DENND3: variants seen among roughly 807,000 people sequenced by gnomAD.
DENND3 encodes DENN domain containing 3.
A neutral mutation model predicts 135.1 loss-of-function variants in DENND3; 88 were observed. The observed-to-expected ratio is 0.65, with a 90% CI of 0.55 to 0.78. The LOEUF is 0.78. Among genes scored for constraint, DENND3 ranks in the 30% least tolerant of loss-of-function variants. The probability of loss-of-function intolerance (pLI) is 0.00; values close to 1 mark genes in which losing one functional copy is unlikely to be tolerated. For synonymous variants in DENND3, 693 were observed against 712.3 expected (o/e 0.97, Z 0.43); for missense variants, 1,392 against 1,688.4 (o/e 0.82, Z 3.08).
At chr8:141,191,945 G>A (rs562017145) in intron 20 of DENND3, 17 of 163,764 alleles carry the variant, frequency 1.0e-4, no homozygotes, top group Admixed American at 3.1e-4. Context: ...AACCTTAACC[G>A]ATCACCCTCC....
rs115765449 is a variant in DENND3 at position 141,175,830 on chromosome 8, C to T, written c.2535+371C>T. On this transcript the variant is annotated intron_variant, in intron 14 of 22. Transcript: ENST00000519811. The surrounding 1 kb of genome is among the most constrained non-coding windows in gnomAD (Gnocchi z 5.4). Reference sequence around the variant, plus strand: ...CTGAGAAACTGCCATGTGCCAGCCACGGTGAGCTACAGTAGCTCACATTTT... The same window carrying T: ...CTGAGAAACTGCCATGTGCCAGCCATGGTGAGCTACAGTAGCTCACATTTT... 1.3e-3 allele frequency: 391 copies of T among 309,438 alleles called. 2 individuals carry two copies. The highest frequency in any genetic ancestry group is 7.5e-3 in the African/African-American group (347 of 46,504). The allele number at this position is 309,438 out of a possible 1,614,324, so 19.2% of individuals were successfully genotyped here.
rs1415248941 is a variant in DENND3, at chr8:141,144,291, C to T, written c.735+32C>T. On this transcript the variant is annotated intron_variant, in intron 5 of 22. Transcript: ENST00000519811. The surrounding 1 kb of genome is among the most constrained non-coding windows in gnomAD (Gnocchi z 4.4). ...TATATCTGAAATTATATTGTTTTTT[C>T]TTTGCAAATAGTAAAAGTAAGATGT... 12 of 1,551,400 alleles carry T rather than the reference C, an allele frequency of 7.7e-6. No individual in the cohort carries two copies. Among genetic ancestry groups the T allele is most frequent in the Non-Finnish European group, 1.1e-5 (12 of 1,138,460 alleles).
At chr8:141,133,168 G>T (rs995395837) in intron 1 of DENND3, among the ~76,000 whole-genome samples, 8 of 152,180 alleles carry the variant, frequency 5.3e-5, no homozygotes, top group African/African-American at 1.9e-4. Context: ...GTGGAGCAGC[G>T]AGGGGCTGGG....
Position 141,141,317 on chromosome 8 carries a change from C to T in DENND3, c.616C>T (p.Leu206Phe), listed in dbSNP as rs1439006832. The T allele has an allele frequency of 2.5e-6, 4 of 1,612,260 alleles. No individual in the cohort carries two copies. Among genetic ancestry groups the T allele is most frequent in the Non-Finnish European group, 3.4e-6 (4 of 1,179,386 alleles). Residue 206 changes from leucine to phenylalanine, a missense_variant, in exon 4 of 23, where the codon CTT becomes TTT. Coordinates refer to ENST00000519811, the MANE Select transcript of DENND3 (RefSeq NM_001352890.3). This position sits in a 1 kb window ranked among gnomAD's most constrained non-coding sequence, Gnocchi z 5.3. ...CTATTACAACTCCCTCAAGGACTGC[C>T]TTTCCTGGTGAGCTGGGGCACCGGG... ...FPYYNSLKDC[L>F]SCLLALLKPC...
intron 13 of DENND3, among the ~76,000 whole-genome samples, chr8:141,172,541 C>G (rs1821756255): frequency 6.6e-6 from 1 of 152,186 alleles, no homozygotes; most frequent in Non-Finnish European, 1.5e-5. Context: ...TGCTGTGGAC[C>G]AGGCAGCAAG....
rs1824333978 is a variant in DENND3, at chr8:141,189,125, A to G, written c.3224A>G (p.Gln1075Arg). ...HCSSVTDLIVQDGQEAPSNVY... is the reference protein window; with the variant it reads ...HCSSVTDLIVRDGQEAPSNVY... Reference sequence around the variant, plus strand: ...TCCAGTGTCACGGATTTGATTGTGCAGGACGGACAGGAGGCACCCAGGTGC... The same window carrying G: ...TCCAGTGTCACGGATTTGATTGTGCGGGACGGACAGGAGGCACCCAGGTGC... The change falls in exon 19 of 23, where the codon CAG (glutamine) becomes CGG (arginine). Residue 1075 changes from glutamine to arginine, a missense_variant. Coordinates refer to ENST00000519811, the MANE Select transcript of DENND3 (RefSeq NM_001352890.3). 1 of 1,614,212 alleles carries G rather than the reference A, an allele frequency of 6.2e-7. No homozygotes were observed. The highest frequency in any genetic ancestry group is 8.5e-7 in the Non-Finnish European group (1 of 1,180,020).
chr8:141,177,811 C>T (rs2154613353), intron 15 of DENND3: 1 of 361,940 alleles, frequency 2.8e-6, no homozygotes, highest in East Asian at 4.9e-5. Flanking sequence ...TGAGACTGGC[C>T]ACAAAGCTTG....
At chr8:141,150,743 A>G (rs1050419382) in intron 5 of DENND3, 91 bp from the exon 6 acceptor site, 1 of 1,442,340 alleles carries the variant, frequency 6.9e-7, no homozygotes, top group Non-Finnish European at 9.2e-7. Flanking sequence ...TCTAACTCTG[A>G]TGCCCTGGGC....
chr8:141,172,927 AAAAG>A (rs1455589491), intron 13 of DENND3, among the ~76,000 whole-genome samples: 1 of 152,098 alleles, frequency 6.6e-6, no homozygotes, highest in South Asian at 2.1e-4. Context: ...TAAAAAAAAA[AAAAG>A]AAAGAAATAC....
chr8:141,164,491 C>T (rs969376357), intron 10 of DENND3, among the ~76,000 whole-genome samples: 2 of 152,190 alleles, frequency 1.3e-5, no homozygotes, highest in African/African-American at 2.4e-5. Context: ...TACCCTGCCC[C>T]GGGTGTCTCC....
rs752873515 is a variant in DENND3 at position 141,138,051 on chromosome 8, G to C, written c.415G>C (p.Glu139Gln). The C allele has an allele frequency of 1.9e-6, 3 of 1,607,946 alleles. No individual in the cohort carries two copies. The highest frequency in any genetic ancestry group is 2.5e-6 in the Non-Finnish European group (3 of 1,177,012). The change falls in exon 3 of 23, where the codon GAG becomes CAG. Residue 139 changes from glutamate to glutamine, a missense_variant. Physicochemically the swap from Glu to Gln is conservative, Grantham distance 29 (BLOSUM62 2). Coordinates refer to ENST00000519811, the MANE Select transcript of DENND3 (RefSeq NM_001352890.3). The surrounding 1 kb of genome is among the most constrained non-coding windows in gnomAD (Gnocchi z 4.8). Reference protein sequence around the residue: ...GGVCVATEPKEDCVHFLVLTD... With the variant: ...GGVCVATEPKQDCVHFLVLTD... ...TGTGTGCGTGGCCACTGAACCTAAGGAGGATTGCGTCCACTTCCTGGTGCT... is the reference window on the plus strand; with the variant it reads ...TGTGTGCGTGGCCACTGAACCTAAGCAGGATTGCGTCCACTTCCTGGTGCT...
At chr8:141,147,898 G>C (rs777520707) in intron 5 of DENND3, among the ~76,000 whole-genome samples, 1 of 152,304 alleles carries the variant, frequency 6.6e-6, no homozygotes, top group Middle Eastern at 3.4e-3. Flanking sequence ...TGCGTCCCGT[G>C]CGTGTGTCTG....
chr8:141,140,323 T>C (rs1299278865), intron 3 of DENND3, among the ~76,000 whole-genome samples: 1 of 152,162 alleles, frequency 6.6e-6, no homozygotes, highest in African/African-American at 2.4e-5. Context: ...CTCCAGCTCC[T>C]CCCGGGCTAC....
intron 5 of DENND3, among the ~76,000 whole-genome samples, chr8:141,148,508 A>AC (rs775533581): frequency 3.7e-4 from 57 of 152,128 alleles, no homozygotes; most frequent in Non-Finnish European, 7.4e-4. Context: ...CTTCTCTTGT[A>AC]CCGTATCTGA....
intron 5 of DENND3, among the ~76,000 whole-genome samples, chr8:141,149,666 C>G (rs560162300): frequency 6.6e-6 from 1 of 152,234 alleles, no homozygotes; most frequent in Non-Finnish European, 1.5e-5. Flanking sequence ...CTTGCTCACA[C>G]GGGGACCTGT....
Position 141,137,623 on chromosome 8 carries a change from C to T in DENND3, c.386-399C>T, listed in dbSNP as rs1201472273. ...TAACAGGTGAGCTTGCATTTTGGGG[C>T]GTTATTTTTCCTGTGGTCTTCAGGA... On this transcript the variant is annotated intron_variant, in intron 2 of 22. Coordinates refer to ENST00000519811, the MANE Select transcript of DENND3 (RefSeq NM_001352890.3). This position sits in a 1 kb window ranked among gnomAD's most constrained non-coding sequence, Gnocchi z 4.1. Among the ~76,000 whole-genome samples, 3 of 152,148 alleles carry T rather than the reference C, an allele frequency of 2.0e-5. No homozygotes were observed. The highest frequency in any genetic ancestry group is 4.4e-5 in the Non-Finnish European group (3 of 68,018).
At chr8:141,151,440 G>A (rs1050261358) in intron 6 of DENND3, among the ~76,000 whole-genome samples, 179 bp from the exon 7 acceptor site, 2 of 152,080 alleles carry the variant, frequency 1.3e-5, no homozygotes, top group African/African-American at 4.8e-5. Flanking sequence ...ACGTTGCTGT[G>A]GTCCCATCTG....
At chr8:141,189,832 C>T (rs1824454854) in intron 19 of DENND3, among the ~76,000 whole-genome samples, 1 of 152,212 alleles carries the variant, frequency 6.6e-6, no homozygotes, top group Non-Finnish European at 1.5e-5. Flanking sequence ...CCAGCCCCGC[C>T]CACAGCCGCC....
rs1244874693 is a variant in DENND3, at chr8:141,130,598, A to G, written c.102+1789A>G. On this transcript the variant is annotated intron_variant, in intron 1 of 22. Transcript: ENST00000519811. The surrounding 1 kb of genome is among the most constrained non-coding windows in gnomAD (Gnocchi z 4.2). ...TTGGAGCCATCCTACTTTTAAGGTC[A>G]ATATTAATGTTATAGTTAACCAAAC... is the stretch of plus-strand genomic sequence containing the variant. Among the ~76,000 whole-genome samples the G allele has an allele frequency of 1.3e-5, 2 of 152,198 alleles. No individual in the cohort carries two copies. Among genetic ancestry groups the G allele is most frequent in the Non-Finnish European group, 2.9e-5 (2 of 68,038 alleles).
Sources: gnomAD v4.1 joint callset for allele counts (sites outside exome capture counted in the v4.1 genomes callset) on GRCh38, gnomAD v4.1.1 for gene constraint, Gnocchi (gnomAD v3.1) non-coding constraint, MANE v1.5 for transcripts, NCBI Gene and HGNC (gene_info 2026-07-23, HGNC 2026-07-21) for gene names.